The following MYT1L variants were observed in gnomAD, a reference collection of about 807,000 sequenced individuals.
MYT1L encodes the protein myelin transcription factor 1 like.
A neutral mutation model predicts 126.7 loss-of-function variants in MYT1L; 12 were observed. The ratio of observed to expected loss-of-function variants is 0.09; its 90% CI spans 0.06 to 0.15. MYT1L has a LOEUF of 0.15. Among genes scored for constraint, MYT1L ranks in the 10% least tolerant of loss-of-function variants. The probability of loss-of-function intolerance (pLI) is 1.00; values close to 1 mark genes in which losing one functional copy is unlikely to be tolerated. For missense variants in MYT1L, 979 were observed against 1,585.2 expected (o/e 0.62, Z 6.49); for synonymous variants, 541 against 604.2 (o/e 0.90, Z 1.53).
chr2:1,868,586 G>A (rs1412456122), intron 18 of MYT1L, among the ~76,000 whole-genome samples: 1 of 152,206 alleles, frequency 6.6e-6, no homozygotes, highest in South Asian at 2.1e-4. Context: ...CCGAAGGCAG[G>A]GCAGGCGTCC....
chr2:2,129,293 A>G (rs1460694807), intron 3 of MYT1L, among the ~76,000 whole-genome samples: 1 of 152,214 alleles, frequency 6.6e-6, no homozygotes, highest in African/African-American at 2.4e-5. Flanking sequence ...TCACTTGGAA[A>G]AATAAAGATA....
intron 3 of MYT1L, among the ~76,000 whole-genome samples, chr2:2,169,363 A>G (rs2089656872): frequency 6.6e-6 from 1 of 152,172 alleles, no homozygotes; most frequent in Non-Finnish European, 1.5e-5. Flanking sequence ...TACTACCTTA[A>G]AGATACACAG....
intron 3 of MYT1L, among the ~76,000 whole-genome samples, chr2:2,165,347 C>T (rs1186955274): frequency 6.6e-6 from 1 of 152,064 alleles, no homozygotes; most frequent in Non-Finnish European, 1.5e-5. Flanking sequence ...TACACACACA[C>T]ACACACGTGC....
Position 2,198,639 on chromosome 2 carries a change from A to G in MYT1L, c.-420-25651T>C, listed in dbSNP as rs1176877768. Among the ~76,000 whole-genome samples, 11 of 152,150 alleles carry G rather than the reference A, an allele frequency of 7.2e-5. No homozygotes were observed. In the East Asian group the frequency reaches 1.9e-3, roughly 27 times the overall value. On this transcript the variant is annotated intron_variant, in intron 2 of 24. Coordinates refer to ENST00000647738, the MANE Select transcript of MYT1L (RefSeq NM_001303052.2). Reference sequence around the variant, plus strand: ...TTTGGGAGGCCTAGGCGAGTGGATCATAAGGTCAGGAGCTTGAGATCAGCT... The same window carrying G: ...TTTGGGAGGCCTAGGCGAGTGGATCGTAAGGTCAGGAGCTTGAGATCAGCT...
chr2:1,951,119 T>C (rs930097714), intron 8 of MYT1L, among the ~76,000 whole-genome samples: 8 of 152,064 alleles, frequency 5.3e-5, no homozygotes, highest in African/African-American at 1.9e-4. Flanking sequence ...TATAATCTCT[T>C]CTTTTTCAGA....
intron 2 of MYT1L, among the ~76,000 whole-genome samples, chr2:2,229,213 A>C (rs2094100104): frequency 6.6e-6 from 1 of 152,234 alleles, no homozygotes; most frequent in African/African-American, 2.4e-5. Context: ...TGAGTTCTTC[A>C]TATACAAAAA....
chr2:1,893,611 C>T (rs1288065507), intron 14 of MYT1L, among the ~76,000 whole-genome samples: 1 of 152,198 alleles, frequency 6.6e-6, no homozygotes, highest in Admixed American at 6.5e-5. Flanking sequence ...AGGGAGACCT[C>T]GCAGTTGGTC....
intron 18 of MYT1L, among the ~76,000 whole-genome samples, chr2:1,876,102 C>T (rs192219884): frequency 1.3e-5 from 2 of 152,276 alleles, no homozygotes; most frequent in East Asian, 3.9e-4. Flanking sequence ...GCCTGATTCC[C>T]GGGTATTTTC....
chr2:2,265,861 G>A (rs1000154308), intron 2 of MYT1L, among the ~76,000 whole-genome samples: 7 of 152,162 alleles, frequency 4.6e-5, no homozygotes, highest in African/African-American at 1.7e-4. Flanking sequence ...GGGATCTGGG[G>A]CCCTAAGGAG....
chr2:1,797,266 T>C (rs2033754057), intron 23 of MYT1L, among the ~76,000 whole-genome samples: 1 of 152,196 alleles, frequency 6.6e-6, no homozygotes, highest in Non-Finnish European at 1.5e-5. Context: ...TTCTTTTTTT[T>C]TCTTTTCCCG....
chr2:2,025,186 T>A (rs981737901), intron 4 of MYT1L, among the ~76,000 whole-genome samples: 1 of 152,244 alleles, frequency 6.6e-6, no homozygotes, highest in Middle Eastern at 3.4e-3. Context: ...GCTTCTTCCC[T>A]AGGTTGGCCA....
intron 4 of MYT1L, among the ~76,000 whole-genome samples, chr2:2,005,343 C>CATA (rs2063145004): frequency 1.6e-5 from 2 of 123,606 alleles, no homozygotes; most frequent in Non-Finnish European, 3.4e-5. Flanking sequence ...TTCCTGTGTG[C>CATA]CTTTCCTGCA....
At chr2:1,822,091 C>A (rs1279402851) in intron 21 of MYT1L, among the ~76,000 whole-genome samples, 1 of 152,150 alleles carries the variant, frequency 6.6e-6, no homozygotes, top group African/African-American at 2.4e-5. Flanking sequence ...TTTCTGGGTT[C>A]TTTCTTCACT....
intron 2 of MYT1L, among the ~76,000 whole-genome samples, chr2:2,247,377 T>C (rs1014673659): frequency 6.6e-6 from 1 of 152,212 alleles, no homozygotes; most frequent in African/African-American, 2.4e-5. Context: ...TATCCAGATA[T>C]ATAAAGCAAA....
chr2:2,168,113 G>A (rs962974759), intron 3 of MYT1L, among the ~76,000 whole-genome samples: 2 of 152,118 alleles, frequency 1.3e-5, no homozygotes, highest in East Asian at 1.9e-4. Context: ...ACTTCACATC[G>A]GTGGGATCAG....
At position 1,889,493 on chromosome 2, in the gene MYT1L, C is replaced by T. The variant is rs375596810; in HGVS notation, c.2284-16G>A. The T allele has an allele frequency of 1.9e-6, 3 of 1,571,840 alleles. No individual in the cohort carries two copies. The African/African-American group carries it at 4.1e-5, about 21-fold the overall frequency. On this transcript the variant is annotated splice_polypyrimidine_tract_variant and intron_variant, in intron 15 of 24. Coordinates refer to ENST00000647738, the MANE Select transcript of MYT1L (RefSeq NM_001303052.2). The surrounding 1 kb of genome is among the most constrained non-coding windows in gnomAD (Gnocchi z 4.1). ...TGTCAGGGTTCTGTCGGTAGAAAGA[C>T]ATAGTGACTGTGCTTGGCCCGGCAT...
intron 2 of MYT1L, among the ~76,000 whole-genome samples, chr2:2,241,352 G>A (rs1291683867): frequency 6.6e-6 from 1 of 152,142 alleles, no homozygotes; most frequent in Non-Finnish European, 1.5e-5. Flanking sequence ...GGAACACAAT[G>A]GGGAAGCCCC....
chr2:2,006,637 G>T (rs192072452), intron 4 of MYT1L, among the ~76,000 whole-genome samples: 4 of 151,958 alleles, frequency 2.6e-5, no homozygotes, highest in African/African-American at 4.8e-5. Context: ...GTGCAGTGGC[G>T]TGATCTCGGC....
intron 2 of MYT1L, among the ~76,000 whole-genome samples, chr2:2,215,050 C>T (rs1026657903): frequency 5.9e-5 from 9 of 151,808 alleles, no homozygotes; most frequent in Non-Finnish European, 1.0e-4. Flanking sequence ...AAAGCGATGA[C>T]TAAGATAATA....
Sources: allele counts gnomAD v4.1 joint callset (sites outside exome capture counted in the v4.1 genomes callset), GRCh38; gene constraint gnomAD v4.1.1; non-coding constraint Gnocchi (gnomAD v3.1); transcripts MANE v1.5; gene names NCBI Gene and HGNC (gene_info 2026-07-23, HGNC 2026-07-21).